The following AGTPBP1 variants were observed in gnomAD, a reference collection of about 807,000 sequenced individuals.
AGTPBP1 encodes the protein ATP/GTP binding carboxypeptidase 1.
A neutral mutation model predicts 143.9 loss-of-function variants in AGTPBP1; 70 were observed. That is an observed-to-expected ratio of 0.49 (90% CI 0.40 to 0.59). The LOEUF is 0.59. Among genes scored for constraint, AGTPBP1 ranks in the 20% least tolerant of loss-of-function variants. The pLI is 0.00. For missense variants in AGTPBP1, 1,229 were observed against 1,464.5 expected, an observed-to-expected ratio of 0.84 and a Z score of 2.62; for synonymous variants, 463 against 500.2, an observed-to-expected ratio of 0.93 and a Z score of 0.99.
intron 25 of AGTPBP1, among the ~76,000 whole-genome samples, chr9:85,548,735 G>A (rs1378733988): frequency 6.6e-6 from 1 of 151,564 alleles, no homozygotes; most frequent in Non-Finnish European, 1.5e-5. Context: ...GAGTGCAGTG[G>A]TGTGATCTCG....
chr9:85,732,612 A>G (rs1309201687), intron 1 of AGTPBP1, among the ~76,000 whole-genome samples: 1 of 152,216 alleles, frequency 6.6e-6, no homozygotes, highest in Non-Finnish European at 1.5e-5. Context: ...AAGAACAGAA[A>G]TAAGTAATTT....
intron 2 of AGTPBP1, among the ~76,000 whole-genome samples, chr9:85,702,690 C>T (rs1836746966): frequency 6.7e-6 from 1 of 149,390 alleles, no homozygotes; most frequent in African/African-American, 2.5e-5. Context: ...CTTTTAATTA[C>T]TCATTGAATG....
chr9:85,796,450 G>T, the AGTPBP1 span, among the ~76,000 whole-genome samples: 3 of 151,998 alleles, frequency 2.0e-5, no homozygotes, highest in Non-Finnish European at 4.4e-5. Context: ...CTCAAATTAC[G>T]ATGGTAACTG....
chr9:85,621,273 A>C lies in AGTPBP1; in HGVS notation c.2028T>G (p.Ala676=). The C allele has an allele frequency of 1.4e-6, 2 of 1,444,878 alleles. No individual in the cohort carries two copies. The highest frequency in any genetic ancestry group is 1.8e-6 in the Non-Finnish European group (2 of 1,101,054). 89.5% of individuals were successfully genotyped at this position (1,444,878 alleles called of 1,614,324 possible). ...GATGTATTAGCCTTTCAATATCTTG[A>C]GCAATTTTTGTCCTGAAATCATAAA... ...RPYGVQRTKI[A]QDIERLIHQS... The change falls in exon 15 of 26, where the codon GCT becomes GCG. Residue 676 remains alanine, a synonymous_variant. Coordinates refer to ENST00000357081, the MANE Select transcript of AGTPBP1 (RefSeq NM_001330701.2).
At chr9:85,678,660 A>C (rs1290680608) in intron 4 of AGTPBP1, among the ~76,000 whole-genome samples, 3 of 152,210 alleles carry the variant, frequency 2.0e-5, no homozygotes, top group African/African-American at 7.2e-5. Context: ...TCTTTCTACC[A>C]AATAGATAAT....
At chr9:85,637,731 C>T (rs1312044107) in intron 13 of AGTPBP1, among the ~76,000 whole-genome samples, 1 of 152,170 alleles carries the variant, frequency 6.6e-6, no homozygotes, top group African/African-American at 2.4e-5. Flanking sequence ...GTGGTAGTCA[C>T]ATAGGTGTAT....
chr9:85,798,362 CT>C, the AGTPBP1 span, among the ~76,000 whole-genome samples: 100,343 of 119,294 alleles, frequency 0.84, 41,714 homozygotes, highest in Middle Eastern at 0.94. Flanking sequence ...CCTCCAAGTT[CT>C]TTTTTTTTTT....
At chr9:85,586,783 A>G in intron 22 of AGTPBP1, 48 bp downstream of exon 22, 1 of 1,580,242 alleles carries the variant, frequency 6.3e-7, no homozygotes, top group Non-Finnish European at 8.6e-7. Context: ...ATTAAAAATG[A>G]TATTTTATCT....
chr9:85,736,330 GTATT>G (rs1385717663), intron 1 of AGTPBP1, among the ~76,000 whole-genome samples: 1 of 152,100 alleles, frequency 6.6e-6, no homozygotes, highest in East Asian at 1.9e-4. Context: ...ATAATCATAT[GTATT>G]TATGAGGCAC....
chr9:85,747,396 T>C, the AGTPBP1 span, among the ~76,000 whole-genome samples: 1 of 152,220 alleles, frequency 6.6e-6, no homozygotes, highest in Admixed American at 6.5e-5. Context: ...GATGGGCTTT[T>C]CCATTTCTGC....
chr9:85,623,665 G>A (rs1302801563), intron 14 of AGTPBP1, among the ~76,000 whole-genome samples: 2 of 151,948 alleles, frequency 1.3e-5, no homozygotes, highest in East Asian at 3.9e-4. Flanking sequence ...GCTGAGGCAG[G>A]AGAATTGCTT....
intron 3 of AGTPBP1, among the ~76,000 whole-genome samples, chr9:85,685,528 CTA>C (rs776679734): frequency 2.4e-4 from 37 of 151,816 alleles, no homozygotes; most frequent in Non-Finnish European, 4.9e-4. Context: ...AACCAGAATT[CTA>C]TATCCAGTAA....
At chr9:85,691,673 T>C (rs948066820) in intron 3 of AGTPBP1, among the ~76,000 whole-genome samples, 2 of 152,098 alleles carry the variant, frequency 1.3e-5, no homozygotes, top group African/African-American at 4.8e-5. Context: ...TAGTGATATA[T>C]TTCCTGGTAT....
chr9:85,804,635 G>C, the AGTPBP1 span, among the ~76,000 whole-genome samples: 1 of 152,252 alleles, frequency 6.6e-6, no homozygotes, highest in Non-Finnish European at 1.5e-5. Flanking sequence ...GGATGCGCTG[G>C]AAGCCAGTAC....
At chr9:85,552,534 T>TA (rs747974753) in intron 25 of AGTPBP1, among the ~76,000 whole-genome samples, 3 of 152,148 alleles carry the variant, frequency 2.0e-5, no homozygotes, top group Non-Finnish European at 4.4e-5. Flanking sequence ...GCCTCTACTG[T>TA]ATTCACCAGT....
intron 23 of AGTPBP1, among the ~76,000 whole-genome samples, chr9:85,580,371 T>C (rs1828179678): frequency 6.6e-6 from 1 of 152,098 alleles, no homozygotes. Context: ...TTTTGAGGCT[T>C]AGAAAGATTT....
chr9:85,636,620 T>C lies in AGTPBP1; in HGVS notation c.1303-3246A>G, dbSNP rs1243470290. Among the ~76,000 whole-genome samples the C allele has an allele frequency of 3.3e-5, 5 of 151,906 alleles. No homozygotes were observed. In the East Asian group the frequency reaches 7.7e-4, roughly 23 times the overall value. Reference sequence around the variant, plus strand: ...AAAAGAGAATTAGGAAACTGACAGATAGTTCTAATGAAATAATCTGAAGGC... The same window carrying C: ...AAAAGAGAATTAGGAAACTGACAGACAGTTCTAATGAAATAATCTGAAGGC... On this transcript the variant is annotated intron_variant, in intron 13 of 25. Transcript: ENST00000357081.
chr9:85,650,379 GACA>G (rs372876308), intron 11 of AGTPBP1, among the ~76,000 whole-genome samples: 2,050 of 152,156 alleles, frequency 0.013, 21 homozygotes, highest in Middle Eastern at 0.044. Context: ...TCAATGTGTA[GACA>G]ACAAGGATGT....
Position 85,692,751 on chromosome 9 carries a change from G to C in AGTPBP1, c.95C>G (p.Pro32Arg). The C allele has an allele frequency of 6.2e-7, 1 of 1,613,996 alleles. No individual in the cohort carries two copies. The highest frequency in any genetic ancestry group is 8.5e-7 in the Non-Finnish European group (1 of 1,179,964). ...LAQLEKINAE[P>R]SESDTARYVT... ...ATATCGGGCAGTGTCTGATTCTGAAGGCTCAGCATTGATCTTCTCCAGTTG... is the reference window on the plus strand; with the variant it reads ...ATATCGGGCAGTGTCTGATTCTGAACGCTCAGCATTGATCTTCTCCAGTTG... Residue 32 changes from proline to arginine, a missense_variant, in exon 3 of 26, where the codon CCT becomes CGT. Physicochemically the swap from Pro to Arg is moderately radical, Grantham distance 103 (BLOSUM62 -2). This residue lies in a region of AGTPBP1 where 743 missense variants were observed against 812.2 expected (regional missense o/e 0.91). Transcript: ENST00000357081.
Sources: allele counts gnomAD v4.1 joint callset (sites outside exome capture counted in the v4.1 genomes callset), GRCh38; gene constraint gnomAD v4.1.1; regional missense constraint gnomAD v4.1.1; transcripts MANE v1.5; gene names NCBI Gene and HGNC (gene_info 2026-07-23, HGNC 2026-07-21).